Variants in HUNK observed in about 807,000 individuals in gnomAD.
HUNK encodes hormonally up-regulated Neu-associated kinase, also known as hormonally up-regulated neu tumor-associated kinase.
In HUNK, 21 loss-of-function variants were observed where a neutral mutation model predicts 61.0. The ratio of observed to expected loss-of-function variants is 0.34; its 90% CI spans 0.24 to 0.50. The LOEUF is 0.50. Ranked by LOEUF, HUNK falls within the 20% of genes least tolerant of loss-of-function variation. HUNK has a pLI of 0.98. For synonymous variants in HUNK, 371 were observed against 386.1 expected (o/e 0.96, Z 0.46); for missense variants, 772 against 945.7 (o/e 0.82, Z 2.41).
At chr21:31,966,837 T>C (rs1459671961) in intron 5 of HUNK, among the ~76,000 whole-genome samples, 1 of 152,184 alleles carries the variant, frequency 6.6e-6, no homozygotes, top group Non-Finnish European at 1.5e-5. Flanking sequence ...TTATTTGGTA[T>C]GTTGGAAATC....
chr21:31,948,559 C>T (rs1405847354), intron 4 of HUNK, among the ~76,000 whole-genome samples: 1 of 152,026 alleles, frequency 6.6e-6, no homozygotes, highest in East Asian at 1.9e-4. Context: ...GGCTCACTCC[C>T]AGGATTTCCT....
intron 1 of HUNK, among the ~76,000 whole-genome samples, chr21:31,902,481 G>T (rs558321942): frequency 6.6e-6 from 1 of 152,184 alleles, no homozygotes; most frequent in Admixed American, 6.5e-5. Flanking sequence ...TTGCACTCCA[G>T]CCTGGGCAAC....
chr21:31,914,648 C>T (rs570731403), intron 1 of HUNK, among the ~76,000 whole-genome samples: 1 of 152,168 alleles, frequency 6.6e-6, no homozygotes, highest in South Asian at 2.1e-4. Flanking sequence ...ATCAAGGTGC[C>T]AGCGGGGTTG....
chr21:31,984,046 T>C (rs1248903322), intron 8 of HUNK, among the ~76,000 whole-genome samples: 1 of 152,018 alleles, frequency 6.6e-6, no homozygotes, highest in Admixed American at 6.6e-5. Context: ...CTCATAGAAG[T>C]ACAGAGTAAA....
chr21:31,962,074 T>C (rs919833203), intron 5 of HUNK, among the ~76,000 whole-genome samples: 17 of 152,232 alleles, frequency 1.1e-4, no homozygotes, highest in African/African-American at 4.1e-4. Context: ...TTCTGGTTCA[T>C]GCAGAGGGAG....
chr21:31,950,096 T>C (rs1457244390), intron 4 of HUNK, among the ~76,000 whole-genome samples: 1 of 152,200 alleles, frequency 6.6e-6, no homozygotes, highest in Non-Finnish European at 1.5e-5. Flanking sequence ...TCTGTGATGT[T>C]GTACTTCCTC....
intron 1 of HUNK, among the ~76,000 whole-genome samples, chr21:31,916,007 C>T (rs1297918618): frequency 1.3e-5 from 2 of 149,292 alleles, no homozygotes; most frequent in South Asian, 4.2e-4. Context: ...ATTTAAGGAG[C>T]ACTTCGTATG....
chr21:31,940,321 C>A, intron 3 of HUNK, 101 bp downstream of exon 3: 1 of 650,396 alleles, frequency 1.5e-6, no homozygotes, highest in Non-Finnish European at 2.6e-6. Context: ...AATACCCAGA[C>A]AATATTCTAG....
At chr21:31,982,098 C>T (rs996837905) in intron 7 of HUNK, among the ~76,000 whole-genome samples, 2 of 152,102 alleles carry the variant, frequency 1.3e-5, no homozygotes, top group Non-Finnish European at 2.9e-5. Context: ...CTGGCTAGGA[C>T]GTGCAGTACT....
chr21:31,920,148 C>A (rs2052613672), intron 1 of HUNK, among the ~76,000 whole-genome samples: 1 of 152,212 alleles, frequency 6.6e-6, no homozygotes, highest in South Asian at 2.1e-4. Context: ...CTGCCTCCTT[C>A]CTCCTGTGGC....
chr21:31,999,284 A>C lies in HUNK; in HGVS notation c.*100A>C. On this transcript the variant is annotated 3_prime_UTR_variant, in exon 11 of 11. Transcript: ENST00000270112. ...AGCACTCCAAGGCCTCGCGTGGAGC[A>C]TCCTTAGTCCCACCTGTAGCTGAAT... 5.6e-6 allele frequency: 6 copies of C among 1,077,698 alleles called. No homozygotes were observed. In the South Asian group the frequency reaches 9.4e-5, roughly 17 times the overall value. The allele number at this position is 1,077,698 out of a possible 1,614,324, so 66.8% of individuals were successfully genotyped here. A position where few individuals can be genotyped will look rare whatever the true frequency, so the allele number is the denominator to read the frequency against.
intron 2 of HUNK, among the ~76,000 whole-genome samples, chr21:31,938,894 T>C (rs2123826605): frequency 6.6e-6 from 1 of 152,352 alleles, no homozygotes; most frequent in South Asian, 2.1e-4. Flanking sequence ...TCCAAGTACA[T>C]CCTTTGCCCA....
chr21:31,881,781 G>A (rs2052309812), intron 1 of HUNK, among the ~76,000 whole-genome samples: 1 of 152,066 alleles, frequency 6.6e-6, no homozygotes, highest in Non-Finnish European at 1.5e-5. Flanking sequence ...CTACCTTGCT[G>A]CTCGACTGTG....
chr21:31,959,747 C>T (rs1030882739), intron 5 of HUNK, among the ~76,000 whole-genome samples: 2 of 152,172 alleles, frequency 1.3e-5, no homozygotes, highest in Non-Finnish European at 1.5e-5. Flanking sequence ...TGATACTTAG[C>T]GATAGTTAAA....
chr21:31,902,658 T>C (rs1003204430), intron 1 of HUNK, among the ~76,000 whole-genome samples: 2 of 152,216 alleles, frequency 1.3e-5, no homozygotes, highest in Non-Finnish European at 2.9e-5. Context: ...GGTCCACACA[T>C]AGGCCTTTTT....
At chr21:31,927,398 C>CAA (rs1203760994) in intron 2 of HUNK, among the ~76,000 whole-genome samples, 1 of 151,978 alleles carries the variant, frequency 6.6e-6, no homozygotes, top group Non-Finnish European at 1.5e-5. Context: ...AATTCCAGCA[C>CAA]TTTGGGAGGC....
At chr21:31,885,407 G>A (rs924822088) in intron 1 of HUNK, among the ~76,000 whole-genome samples, 2 of 152,178 alleles carry the variant, frequency 1.3e-5, no homozygotes, top group Non-Finnish European at 2.9e-5. Context: ...TCGGCCTGAC[G>A]ACCGTCTCTG....
chr21:31,989,105 A>G (rs1362419298), intron 8 of HUNK, among the ~76,000 whole-genome samples: 1 of 152,144 alleles, frequency 6.6e-6, no homozygotes, highest in Non-Finnish European at 1.5e-5. Context: ...TACAGATGTG[A>G]GTCACCATGC....
At position 32,002,491 on chromosome 21, in the gene HUNK, G is replaced by A. The variant is rs902439158; in HGVS notation, c.*3307G>A. The A allele has an allele frequency of 3.9e-5, 6 of 152,214 alleles. No homozygotes were observed. Among genetic ancestry groups the A allele is most frequent in the African/African-American group, 7.2e-5 (3 of 41,446 alleles). The allele number at this position is 152,214 out of a possible 1,614,324, so 9.4% of individuals were successfully genotyped here. ...CCCTGCCTTATTTTACCTGCAATAG[G>A]TGTGCCTACAAAAGTCTTTCTGACA... is the stretch of plus-strand genomic sequence containing the variant. On this transcript the variant is annotated 3_prime_UTR_variant, in exon 11 of 11. Coordinates refer to ENST00000270112, the MANE Select transcript of HUNK (RefSeq NM_014586.2).
Sources: allele counts gnomAD v4.1 joint callset (sites outside exome capture counted in the v4.1 genomes callset), GRCh38; gene constraint gnomAD v4.1.1; transcripts MANE v1.5; gene names NCBI Gene and HGNC (gene_info 2026-07-23, HGNC 2026-07-21).